The following JAK2 variants were observed in gnomAD, a reference collection of about 807,000 sequenced individuals.
The protein encoded by JAK2 is tyrosine-protein kinase JAK2.
Under a neutral mutation model 139.3 loss-of-function variants are expected in JAK2, and 86 were observed. The observed-to-expected ratio is 0.62, with a 90% CI of 0.52 to 0.74. The LOEUF (loss-of-function observed/expected upper bound fraction) is 0.74, where lower values mean the gene tolerates loss of function less well. JAK2 is among the 30% of genes least tolerant of loss of function. JAK2 has a pLI of 0.00. For missense variants in JAK2, 1,421 were observed against 1,360.3 expected, an observed-to-expected ratio of 1.04 and a Z score of -0.70; for synonymous variants, 490 against 437.7, an observed-to-expected ratio of 1.12 and a Z score of -1.49.
In JAK2 at chr9:5,077,594, C is replaced by A. The variant is rs954527395; in HGVS notation, c.1992+14C>A. ...ATGCATTTTCTAGTAAGTAGTACAA[C>A]CTTTTTATCAAAAGATACTATTTTA... On this transcript the variant is annotated intron_variant, in intron 15 of 24. Transcript: ENST00000381652. The A allele has an allele frequency of 4.8e-6, 7 of 1,446,020 alleles. No homozygotes were observed. Among genetic ancestry groups the A allele is most frequent in the African/African-American group, 3.0e-5 (2 of 67,058 alleles). 89.6% of individuals were successfully genotyped at this position (1,446,020 alleles called of 1,614,324 possible). A position where few individuals can be genotyped will look rare whatever the true frequency, so the allele number is the denominator to read the frequency against.
intron 4 of JAK2, among the ~76,000 whole-genome samples, chr9:5,038,959 C>T (rs138616330): frequency 4.4e-4 from 67 of 152,122 alleles, no homozygotes; most frequent in African/African-American, 1.5e-3. Context: ...TCCAGCATCC[C>T]ATCATTATAA....
At chr9:5,024,878 C>T (rs1822678820) in intron 3 of JAK2, among the ~76,000 whole-genome samples, 2 of 152,284 alleles carry the variant, frequency 1.3e-5, no homozygotes, top group Admixed American at 1.3e-4. Context: ...TGGCTCTGTT[C>T]ACTCCAGAGC....
intron 4 of JAK2, among the ~76,000 whole-genome samples, chr9:5,033,806 T>A (rs1040390887): frequency 4.6e-5 from 7 of 152,036 alleles, no homozygotes; most frequent in Admixed American, 3.3e-4. Context: ...GTAAAGACCA[T>A]CGAGGCTAGG....
At chr9:5,035,889 G>T (rs1823560166) in intron 4 of JAK2, among the ~76,000 whole-genome samples, 1 of 152,168 alleles carries the variant, frequency 6.6e-6, no homozygotes, top group Non-Finnish European at 1.5e-5. Context: ...AGGGCAGTCA[G>T]GCTGGAGAAG....
At chr9:5,007,487 G>C (rs1176584091) in intron 2 of JAK2, among the ~76,000 whole-genome samples, 1 of 151,988 alleles carries the variant, frequency 6.6e-6, no homozygotes, top group Non-Finnish European at 1.5e-5. Flanking sequence ...TTCAAATGCA[G>C]AACTTCACAT....
chr9:5,058,813 T>C (rs1225807434), intron 8 of JAK2, among the ~76,000 whole-genome samples: 1 of 152,216 alleles, frequency 6.6e-6, no homozygotes, highest in African/African-American at 2.4e-5. Flanking sequence ...TCTTTTCATA[T>C]ATGTATTGCC....
At chr9:5,118,559 C>T (rs766335108) in intron 22 of JAK2, among the ~76,000 whole-genome samples, 20 of 152,134 alleles carry the variant, frequency 1.3e-4, no homozygotes, top group Non-Finnish European at 2.5e-4. Flanking sequence ...AACAATCCCT[C>T]CCCTCCAATT....
chr9:4,986,511 T>C (rs1305329645), intron 2 of JAK2, among the ~76,000 whole-genome samples: 2 of 152,200 alleles, frequency 1.3e-5, no homozygotes, highest in Non-Finnish European at 2.9e-5. Context: ...AGAAACTCCA[T>C]TTCTCTGAAT....
chr9:5,040,475 A>G (rs961040014), intron 4 of JAK2, among the ~76,000 whole-genome samples: 2 of 152,268 alleles, frequency 1.3e-5, no homozygotes, highest in Non-Finnish European at 2.9e-5. Flanking sequence ...AGTTAAAAAC[A>G]TCTGTGTGTC....
At chr9:5,002,912 G>A (rs561076078) in intron 2 of JAK2, among the ~76,000 whole-genome samples, 54 of 151,994 alleles carry the variant, frequency 3.6e-4, no homozygotes, top group African/African-American at 1.2e-3. Context: ...TTTGTGTACC[G>A]TATGAAGTAG....
chr9:5,050,635 CATG>C (rs1276338811), intron 5 of JAK2, 48 bp from the exon 6 acceptor site: 2 of 1,523,666 alleles, frequency 1.3e-6, no homozygotes, highest in Non-Finnish European at 1.8e-6. Context: ...TAGATTAAAA[CATG>C]ATAATGAAAC....
intron 22 of JAK2, chr9:5,110,932 A>C: frequency 3.5e-6 from 2 of 578,996 alleles, no homozygotes; most frequent in Non-Finnish European, 3.3e-6. Context: ...GCCGCAGAGG[A>C]TGGCATCCGT....
chr9:4,984,401 G>A (rs1464511691), upstream of JAK2: 1 of 152,192 alleles, frequency 6.6e-6, no homozygotes, highest in African/African-American at 2.4e-5. Flanking sequence ...CCCTCTCCCG[G>A]GCTACACCAG....
chr9:5,054,417 G>A lies in JAK2; in HGVS notation c.615-146G>A. ...TAAAGTTTTATACTGTATGGATGGG[G>A]GTTATGTCAACTTACGCCACTTGGC... On this transcript the variant is annotated intron_variant, in intron 6 of 24. Coordinates refer to ENST00000381652, the MANE Select transcript of JAK2 (RefSeq NM_004972.4). This position sits in a 1 kb window ranked among gnomAD's most constrained non-coding sequence, Gnocchi z 4.9. 1 of 608,468 alleles carries A rather than the reference G, an allele frequency of 1.6e-6. No individual in the cohort carries two copies. The highest frequency in any genetic ancestry group is 3.0e-5 in the Admixed American group (1 of 33,552). The allele number at this position is 608,468 out of a possible 1,614,324, so 37.7% of individuals were successfully genotyped here.
rs887041128 is a variant in JAK2, at chr9:5,043,178, C to A, written c.351-1225C>A. On this transcript the variant is annotated intron_variant, in intron 4 of 24. Transcript: ENST00000381652. The stretch of plus-strand genomic sequence containing the variant: ...CTGCGGGCGGCCCTGGACTGGCTGG[C>A]GGACTCCCAGCGGGTCAGCTTGAGG... 2.0e-5 allele frequency among the ~76,000 whole-genome samples: 3 copies of A among 151,662 alleles called. No homozygotes were observed. The South Asian group carries it at 6.2e-4, about 32-fold the overall frequency.
intron 4 of JAK2, among the ~76,000 whole-genome samples, chr9:5,038,596 ATTTTT>A (rs58788809): frequency 6.8e-6 from 1 of 146,492 alleles, no homozygotes. Context: ...TGGATTTTAG[ATTTTT>A]TTTTTTTTTT....
At chr9:5,122,293 G>C (rs755485905) in intron 22 of JAK2, among the ~76,000 whole-genome samples, 2 of 152,136 alleles carry the variant, frequency 1.3e-5, no homozygotes, top group East Asian at 3.8e-4. Context: ...CTTGGATAGT[G>C]TTAATGCTTG....
At chr9:4,994,506 T>C (rs1820449886) in intron 2 of JAK2, among the ~76,000 whole-genome samples, 1 of 152,236 alleles carries the variant, frequency 6.6e-6, no homozygotes, top group Non-Finnish European at 1.5e-5. Flanking sequence ...TGAGAATTAC[T>C]GATTTAAACC....
rs147884078 is a variant in JAK2, at chr9:5,064,158, C to T, written c.1057-725C>T. ...GCGACAGAGCAAGACTCTGACTGGG[C>T]GGGGGCCACAAAAAAATCATAGCAT... On this transcript the variant is annotated intron_variant, in intron 8 of 24. Transcript: ENST00000381652. 4.9e-3 allele frequency among the ~76,000 whole-genome samples: 734 copies of T among 150,136 alleles called. 8 individuals are homozygous for T. The highest frequency in any genetic ancestry group is 0.017 in the African/African-American group (699 of 40,808).
Sources: gnomAD v4.1 joint callset for allele counts (sites outside exome capture counted in the v4.1 genomes callset) on GRCh38, gnomAD v4.1.1 for gene constraint, Gnocchi (gnomAD v3.1) non-coding constraint, MANE v1.5 for transcripts, NCBI Gene and HGNC (gene_info 2026-07-23, HGNC 2026-07-21) for gene names.